The following CCNH variants were observed in gnomAD, a reference collection of about 807,000 sequenced individuals.
CCNH encodes the protein cyclin-H.
In CCNH, 31 loss-of-function variants were observed where a neutral mutation model predicts 41.9. The observed-to-expected ratio is 0.74, with a 90% confidence interval of 0.56 to 1.00. CCNH has a LOEUF of 1.00. Ranked by LOEUF, CCNH falls within the 50% of genes least tolerant of loss-of-function variation. CCNH has a pLI of 0.00. For synonymous variants in CCNH, 138 were observed against 136.1 expected (o/e 1.01, Z -0.10); for missense variants, 362 against 388.4 (o/e 0.93, Z 0.57).
chr5:87,402,133 G>T (rs551278836), intron 5 of CCNH, among the ~76,000 whole-genome samples: 1 of 152,278 alleles, frequency 6.6e-6, no homozygotes, highest in East Asian at 1.9e-4. Context: ...TCATGATCTT[G>T]TAACTTGCCC....
chr5:87,329,480 T>C (rs941189393), intron 9 of CCNH, among the ~76,000 whole-genome samples: 2 of 151,898 alleles, frequency 1.3e-5, no homozygotes, highest in African/African-American at 4.8e-5. Context: ...AAACCACAAA[T>C]AAACATATAT....
chr5:87,380,584 A>T, upstream of CCNH: 1 of 1,611,414 alleles, frequency 6.2e-7, no homozygotes, highest in Non-Finnish European at 8.5e-7. Context: ...CCATGAGAAC[A>T]AGAGTTGTTA....
chr5:87,340,923 A>G (rs1758386564), intron 9 of CCNH, among the ~76,000 whole-genome samples: 1 of 152,150 alleles, frequency 6.6e-6, no homozygotes, highest in Non-Finnish European at 1.5e-5. Context: ...AAACGACTTC[A>G]GTTGCAGAAT....
intron 9 of CCNH, chr5:87,362,808 A>T: frequency 1.0e-6 from 1 of 973,060 alleles, no homozygotes; most frequent in African/African-American, 1.7e-5. Context: ...CCCATATATA[A>T]GCATTCTTCA....
rs956744739 is a variant in CCNH, at chr5:87,411,419, T to A, written c.118-73A>T. ...AACAATTGTAAAACATTTTTCTCTATCTAGATTAAATTTAGTTTATATATC... is the reference window on the plus strand; with the variant it reads ...AACAATTGTAAAACATTTTTCTCTAACTAGATTAAATTTAGTTTATATATC... On this transcript the variant is annotated intron_variant, in intron 1 of 8. Coordinates refer to ENST00000256897, the MANE Select transcript of CCNH (RefSeq NM_001239.4). The A allele has an allele frequency of 4.8e-6, 7 of 1,449,760 alleles. No individual in the cohort carries two copies. The African/African-American group carries it at 8.6e-5, about 18-fold the overall frequency. The allele number at this position is 1,449,760 out of a possible 1,614,324, so 89.8% of individuals were successfully genotyped here.
At chr5:87,409,388 T>C (rs568653433) in intron 2 of CCNH, 25 bp from the exon 3 acceptor site, 2 of 1,272,570 alleles carry the variant, frequency 1.6e-6, no homozygotes, top group Admixed American at 3.7e-5. Flanking sequence ...AAATATATCA[T>C]CAGGATCTAG....
At chr5:87,343,691 C>T (rs1003265879) in intron 9 of CCNH, among the ~76,000 whole-genome samples, 2 of 152,066 alleles carry the variant, frequency 1.3e-5, no homozygotes, top group African/African-American at 2.4e-5. Flanking sequence ...AATAAAGCTA[C>T]CATATGATCC....
At chr5:87,392,155 A>C (rs1191618586), downstream of CCNH, 1 of 419,330 alleles carries the variant, frequency 2.4e-6, no homozygotes, top group East Asian at 6.4e-5. Context: ...GCAGAATGAC[A>C]TTGGTAATCA....
chr5:87,394,367 C>CTT lies in CCNH; in HGVS notation c.*77_*78dup. On this transcript the variant is annotated 3_prime_UTR_variant, in exon 9 of 9. Transcript: ENST00000256897. Reference sequence around the variant, plus strand: ...ATATATTTTATGTTTTCACATTATACTTTTTAAATAAAGTTAAACGTTTGA... The same window carrying CTT: ...ATATATTTTATGTTTTCACATTATACTTTTTTTAAATAAAGTTAAACGTTTGA... The CTT allele has an allele frequency of 6.5e-7, 1 of 1,541,160 alleles. No individual in the cohort carries two copies.
Position 87,341,307 on chromosome 5 carries a change from A to G in CCNH, c.*91-22410T>C, listed in dbSNP as rs188475610. ...CCCTTTAGGGCCGGGAAGAAGATCCACATGAAGGAAAAATGTGAGTTTGTG... is the reference window on the plus strand; with the variant it reads ...CCCTTTAGGGCCGGGAAGAAGATCCGCATGAAGGAAAAATGTGAGTTTGTG... On this transcript the variant is annotated intron_variant and NMD_transcript_variant, in intron 9 of 9. Coordinates refer to the CCNH transcript ENST00000645953. The G allele has an allele frequency of 5.9e-6, 8 of 1,356,978 alleles. No homozygotes were observed. In the Admixed American group the frequency reaches 2.3e-4, roughly 39 times the overall value. 84.1% of individuals were successfully genotyped at this position (1,356,978 alleles called of 1,614,324 possible). A position where few individuals can be genotyped will look rare whatever the true frequency, so the allele number is the denominator to read the frequency against.
intron 3 of CCNH, 185 bp downstream of exon 3, chr5:87,409,105 T>G: frequency 2.6e-6 from 1 of 383,396 alleles, no homozygotes; most frequent in Non-Finnish European, 4.6e-6. Flanking sequence ...ATTACTGAAG[T>G]ACAGGTAAAC....
downstream of CCNH, among the ~76,000 whole-genome samples, chr5:87,389,831 AT>A (rs1037278711): frequency 6.6e-6 from 1 of 151,266 alleles, no homozygotes; most frequent in Non-Finnish European, 1.5e-5. Context: ...TATTGATTTT[AT>A]TTTTTTTTCT....
intron 9 of CCNH, among the ~76,000 whole-genome samples, chr5:87,327,507 G>C (rs932262162): frequency 2.0e-5 from 3 of 152,192 alleles, no homozygotes; most frequent in Non-Finnish European, 4.4e-5. Flanking sequence ...GATTTGGTAT[G>C]TTTAGGGTGG....
At chr5:87,357,757 G>GT (rs1202524188) in intron 9 of CCNH, among the ~76,000 whole-genome samples, 9 of 152,112 alleles carry the variant, frequency 5.9e-5, no homozygotes, top group Non-Finnish European at 1.0e-4. Flanking sequence ...TGCAGTATGT[G>GT]TTATAAGACT....
intron 9 of CCNH, chr5:87,369,949 G>A: frequency 6.9e-7 from 1 of 1,446,244 alleles, no homozygotes; most frequent in East Asian, 2.3e-5. Flanking sequence ...GTTAGCCCAT[G>A]TTTTCTTATT....
chr5:87,370,871 A>G (rs1001587305), intron 9 of CCNH, among the ~76,000 whole-genome samples: 1 of 152,138 alleles, frequency 6.6e-6, no homozygotes, highest in Non-Finnish European at 1.5e-5. Flanking sequence ...GACTCACAGA[A>G]TAAACCTGAA....
At chr5:87,320,642 A>G (rs758853452) in intron 9 of CCNH, among the ~76,000 whole-genome samples, 4 of 152,220 alleles carry the variant, frequency 2.6e-5, no homozygotes, top group Non-Finnish European at 5.9e-5. Flanking sequence ...ATTTGCCTTC[A>G]TGATTCAATC....
intron 9 of CCNH, among the ~76,000 whole-genome samples, chr5:87,357,704 C>CA (rs5869396): frequency 0.21 from 31,346 of 149,838 alleles, 3,489 homozygotes; most frequent in East Asian, 0.42. Flanking sequence ...GATTCCATCT[C>CA]AAAAAAAAAG....
upstream of CCNH, chr5:87,378,661 T>TA: frequency 3.0e-6 from 3 of 999,030 alleles, no homozygotes; most frequent in Non-Finnish European, 4.5e-6. Flanking sequence ...TCATAGCAGT[T>TA]ACACCTGTCT....
Sources: gnomAD v4.1 joint callset for allele counts (sites outside exome capture counted in the v4.1 genomes callset) on GRCh38, gnomAD v4.1.1 for gene constraint, MANE v1.5 for transcripts, NCBI Gene and HGNC (gene_info 2026-07-23, HGNC 2026-07-21) for gene names.